The following TRAF3IP2 variants were observed in gnomAD, a reference collection of about 807,000 sequenced individuals.
The protein encoded by TRAF3IP2 is TRAF3 interacting protein 2.
A neutral mutation model predicts 57.9 loss-of-function variants in TRAF3IP2; 35 were observed. The observed-to-expected ratio is 0.60, with a 90% CI of 0.46 to 0.80. The LOEUF (loss-of-function observed/expected upper bound fraction) is 0.80, where lower values mean the gene tolerates loss of function less well. Among genes scored for constraint, TRAF3IP2 ranks in the 30% least tolerant of loss-of-function variants. The pLI is 0.00. For missense variants in TRAF3IP2, 556 were observed against 706.4 expected (o/e 0.79, Z 2.41); for synonymous variants, 251 against 268.9 (o/e 0.93, Z 0.65).
In TRAF3IP2 at chr6:111,575,812, T is replaced by C. The variant is rs758888448; in HGVS notation, c.1032A>G (p.Pro344=). The change falls in exon 4 of 9, where the codon CCA becomes CCG. Residue 344 remains proline (P), a synonymous_variant. Transcript: ENST00000368761. ...CAGCTCTATTAGGTGGCTGGTGATG[T>C]GGCTGGTCCCTAGAAAGGAATACAT... ...FPGLPRHQDQ[P]HHQPPNRAGA... 5 of 1,609,876 alleles carry C rather than the reference T, an allele frequency of 3.1e-6. No homozygotes were observed. In the African/African-American group the frequency reaches 6.7e-5, roughly 22 times the overall value.
At chr6:111,575,063 A>C (rs1795937779) in intron 4 of TRAF3IP2, among the ~76,000 whole-genome samples, 1 of 151,854 alleles carries the variant, frequency 6.6e-6, no homozygotes, top group South Asian at 2.1e-4. Flanking sequence ...CTCTAGTAAA[A>C]GTATAAGCAA....
At position 111,557,461 on chromosome 6, in the gene TRAF3IP2, A is replaced by C; in HGVS notation, c.*1944T>G. ...TTTTTTTTTTTTGAGACGGAGTCTC[A>C]CTCTATTGCCCAGGCTGGAGTGCAG... On this transcript the variant is annotated 3_prime_UTR_variant, in exon 9 of 9. Transcript: ENST00000368761. 8.5e-6 allele frequency: 1 copy of C among 117,556 alleles called. No individual in the cohort carries two copies. The highest frequency in any genetic ancestry group is 1.2e-4 in the Admixed American group (1 of 8,548). 7.3% of individuals were successfully genotyped at this position (117,556 alleles called of 1,614,324 possible). A position where few individuals can be genotyped will look rare whatever the true frequency, so the allele number is the denominator to read the frequency against.
In TRAF3IP2 at chr6:111,578,510, G is replaced by A. The variant is rs148257841; in HGVS notation, c.1022+1687C>T. Among the ~76,000 whole-genome samples the A allele has an allele frequency of 6.5e-3, 990 of 152,244 alleles. 4 individuals carry two copies. Among genetic ancestry groups the A allele is most frequent in the Non-Finnish European group, 0.01 (705 of 68,018 alleles). ...AAAAAAATTAGCTGGGTGTGGTAGC[G>A]GGCGTCTGTAGTTCCAGCTACTCTT... On this transcript the variant is annotated intron_variant, in intron 3 of 8. Coordinates refer to ENST00000368761, the MANE Select transcript of TRAF3IP2 (RefSeq NM_147686.4).
At chr6:111,579,215 G>T (rs1278293369) in intron 3 of TRAF3IP2, among the ~76,000 whole-genome samples, 2 of 150,184 alleles carry the variant, frequency 1.3e-5, no homozygotes, top group Non-Finnish European at 2.9e-5. Context: ...TACCCAGGAG[G>T]CTAAGGCAGG....
rs955073901 is a variant in TRAF3IP2, at chr6:111,555,392, A to G, written c.*4013T>C. Among the ~76,000 whole-genome samples the G allele has an allele frequency of 6.6e-6, 1 of 152,162 alleles. No homozygotes were observed. The highest frequency in any genetic ancestry group is 2.4e-5 in the African/African-American group (1 of 41,448). ...TCCGAGAAAAATTCTGTCTTTAAAG[A>G]GGTGATTTATTTAACAGGAAACAAA... On this transcript the variant is annotated 3_prime_UTR_variant, in exon 9 of 9. Transcript: ENST00000368761.
chr6:111,580,496 G>T (rs1423042272), intron 2 of TRAF3IP2, 107 bp from the exon 3 acceptor site: 2 of 977,376 alleles, frequency 2.0e-6, no homozygotes, highest in Non-Finnish European at 2.9e-6. Context: ...CAGCTGAGGG[G>T]TCCAGATATC....
At chr6:111,604,462 C>T (rs537551615) in intron 1 of TRAF3IP2, among the ~76,000 whole-genome samples, 160 of 152,346 alleles carry the variant, frequency 1.1e-3, no homozygotes, top group Non-Finnish European at 1.7e-3. Context: ...AGTTCTCTGG[C>T]CTGCCTTGAC....
At chr6:111,561,787 C>G (rs1402519565) in intron 8 of TRAF3IP2, among the ~76,000 whole-genome samples, 1 of 152,150 alleles carries the variant, frequency 6.6e-6, no homozygotes, top group African/African-American at 2.4e-5. Context: ...CAGATCAGAC[C>G]TACATTTTGG....
chr6:111,605,550 G>A (rs1321069147), intron 1 of TRAF3IP2, among the ~76,000 whole-genome samples: 1 of 152,218 alleles, frequency 6.6e-6, no homozygotes, highest in East Asian at 1.9e-4. Context: ...ACCCGGCGGG[G>A]CTCGCTGGCC....
Position 111,604,248 on chromosome 6 carries a change from G to C in TRAF3IP2, c.-9+1528C>G, listed in dbSNP as rs113494021. Among the ~76,000 whole-genome samples, 1,249 of 152,264 alleles carry C rather than the reference G, an allele frequency of 8.2e-3. 4 individuals carry two copies. Among genetic ancestry groups the C allele is most frequent in the African/African-American group, 0.018 (740 of 41,560 alleles). On this transcript the variant is annotated intron_variant, in intron 1 of 8. Transcript: ENST00000368761. ...CAATTTTTTTTTAAGTCACGGTCTG[G>C]AAAAAGTTAAGGATTCTGTGTATCC...
intron 1 of TRAF3IP2, among the ~76,000 whole-genome samples, chr6:111,595,438 A>G (rs755043577): frequency 3.3e-5 from 5 of 152,244 alleles, no homozygotes; most frequent in Non-Finnish European, 2.9e-5. Flanking sequence ...TATGTGTCCA[A>G]CTCAATGCTG....
intron 8 of TRAF3IP2, among the ~76,000 whole-genome samples, chr6:111,561,224 G>C (rs916325713): frequency 2.0e-5 from 3 of 149,948 alleles, no homozygotes; most frequent in Non-Finnish European, 4.4e-5. Flanking sequence ...GGTGGATCAC[G>C]AGGTCAAGAG....
At chr6:111,594,045 C>T (rs902614986) in intron 1 of TRAF3IP2, among the ~76,000 whole-genome samples, 2 of 149,894 alleles carry the variant, frequency 1.3e-5, no homozygotes, top group African/African-American at 2.5e-5. Flanking sequence ...GCAGGAGAAT[C>T]GCTTGAACCT....
At position 111,555,732 on chromosome 6, in the gene TRAF3IP2, G is replaced by T. The variant is rs1795214879; in HGVS notation, c.*3673C>A. 6.6e-6 allele frequency among the ~76,000 whole-genome samples: 1 copy of T among 152,134 alleles called. No homozygotes were observed. The highest frequency in any genetic ancestry group is 6.5e-5 in the Admixed American group (1 of 15,278). ...TTCCACCCCAAAAATATCTAAAGAT[G>T]AATGCCTGAGGACCAGCATAACATC... On this transcript the variant is annotated 3_prime_UTR_variant, in exon 9 of 9. Transcript: ENST00000368761.
At chr6:111,568,329 C>G (rs900482791) in intron 5 of TRAF3IP2, among the ~76,000 whole-genome samples, 6 of 152,042 alleles carry the variant, frequency 3.9e-5, no homozygotes, top group African/African-American at 7.2e-5. Context: ...TATCAGCATT[C>G]AAGTTTTTGA....
intron 5 of TRAF3IP2, 136 bp from the exon 6 acceptor site, chr6:111,567,828 G>A (rs1424556009): frequency 1.8e-6 from 1 of 549,570 alleles, no homozygotes; most frequent in African/African-American, 2.0e-5. Flanking sequence ...GAGCACATAG[G>A]TCTAAAAAAC....
chr6:111,586,689 G>A (rs1203042567), intron 2 of TRAF3IP2, among the ~76,000 whole-genome samples: 2 of 152,092 alleles, frequency 1.3e-5, no homozygotes, highest in Non-Finnish European at 2.9e-5. Context: ...GTAGAGCCAC[G>A]TAGCCATGGT....
intron 1 of TRAF3IP2, among the ~76,000 whole-genome samples, chr6:111,592,677 G>A (rs1391747531): frequency 6.6e-6 from 1 of 152,112 alleles, no homozygotes; most frequent in Non-Finnish European, 1.5e-5. Context: ...TGGGGGAGAG[G>A]AGTGGGAGGA....
intron 6 of TRAF3IP2, 27 bp from the exon 7 acceptor site, chr6:111,566,587 T>C: frequency 6.3e-7 from 1 of 1,589,808 alleles, no homozygotes; most frequent in Middle Eastern, 1.7e-4. Context: ...GAAAGGCATG[T>C]TTATGGAAGT....
Sources: allele counts gnomAD v4.1 joint callset (sites outside exome capture counted in the v4.1 genomes callset), GRCh38; gene constraint gnomAD v4.1.1; transcripts MANE v1.5; gene names NCBI Gene and HGNC (gene_info 2026-07-23, HGNC 2026-07-21).